Variants in XRN2 observed in about 807,000 individuals in gnomAD.
The protein encoded by XRN2 is 5'-3' exoribonuclease 2.
XRN2 carries 44 observed loss-of-function variants against 138.5 expected under a neutral mutation model. The ratio of observed to expected loss-of-function variants is 0.32; its 90% CI spans 0.25 to 0.41. The LOEUF (loss-of-function observed/expected upper bound fraction) is 0.41. Among genes scored for constraint, XRN2 ranks in the 10% least tolerant of loss-of-function variants. The probability of loss-of-function intolerance (pLI) is 1.00; values close to 1 mark genes in which losing one functional copy is unlikely to be tolerated. For missense variants in XRN2, 937 were observed against 1,169.3 expected (o/e 0.80, Z 2.90); for synonymous variants, 354 against 369.4 (o/e 0.96, Z 0.48).
intron 4 of XRN2, among the ~76,000 whole-genome samples, chr20:21,328,881 C>T (rs910337286): frequency 1.3e-5 from 2 of 152,260 alleles, no homozygotes; most frequent in East Asian, 3.9e-4. Flanking sequence ...TAAGAGGGAG[C>T]CTTGGGAATA....
At chr20:21,356,854 G>A (rs747280501) in intron 23 of XRN2, among the ~76,000 whole-genome samples, 189 bp downstream of exon 23, 1 of 152,146 alleles carries the variant, frequency 6.6e-6, no homozygotes, top group East Asian at 1.9e-4. Context: ...GTCACCTTGT[G>A]CAGGGAGCTC....
chr20:21,366,890 A>T (rs761879064), intron 26 of XRN2, among the ~76,000 whole-genome samples: 1 of 152,204 alleles, frequency 6.6e-6, no homozygotes, highest in Non-Finnish European at 1.5e-5. Context: ...TGAGAATTCT[A>T]TTACTTTCTC....
chr20:21,317,836 A>G (rs2037981503), intron 1 of XRN2, among the ~76,000 whole-genome samples: 1 of 152,212 alleles, frequency 6.6e-6, no homozygotes, highest in African/African-American at 2.4e-5. Flanking sequence ...ATTGACAGAT[A>G]CGGAGGGCTG....
Position 21,357,752 on chromosome 20 carries a change from G to T in XRN2, c.2215G>T (p.Val739Phe). The change falls in exon 24 of 30, where the codon GTT (valine) becomes TTT (phenylalanine). Residue 739 changes from valine to phenylalanine, a missense_variant. This residue lies in a region of XRN2 where 372 missense variants were observed against 414.4 expected (regional missense o/e 0.90). Coordinates refer to ENST00000377191, the MANE Select transcript of XRN2 (RefSeq NM_012255.5). ...TCCTTCTAGAATAGTATGTTCTCCT[G>T]TTCCTATGTTAAGGGATCTGACACA... ...ILPDQIVCSP[V>F]PMLRDLTQNT... is the part of the protein sequence containing the mutation. 6.3e-7 allele frequency: 1 copy of T among 1,597,578 alleles called. No homozygotes were observed. The highest frequency in any genetic ancestry group is 2.3e-5 in the East Asian group (1 of 44,178).
In XRN2 at chr20:21,337,640, T is replaced by C. The variant is rs551335730; in HGVS notation, c.1234-1404T>C. 3.3e-5 allele frequency among the ~76,000 whole-genome samples: 5 copies of C among 152,292 alleles called. No individual in the cohort carries two copies. In the South Asian group the frequency reaches 1.0e-3, roughly 32 times the overall value. The stretch of plus-strand genomic sequence containing the variant: ...CCAGGGGAGCACCAACATTAACTCA[T>C]TTCTGCCCAGTGTTCCATTATTGGA... On this transcript the variant is annotated intron_variant, in intron 13 of 29. Coordinates refer to ENST00000377191, the MANE Select transcript of XRN2 (RefSeq NM_012255.5).
chr20:21,362,710 T>C (rs2038651588), intron 24 of XRN2, among the ~76,000 whole-genome samples: 1 of 152,214 alleles, frequency 6.6e-6, no homozygotes, highest in Non-Finnish European at 1.5e-5. Context: ...CTGCCCCACT[T>C]CTGCTCAAAT....
chr20:21,366,135 AT>A (rs1178443680), intron 26 of XRN2, among the ~76,000 whole-genome samples: 1 of 83,878 alleles, frequency 1.2e-5, no homozygotes, highest in Non-Finnish European at 2.1e-5. Context: ...GTTTATATAT[AT>A]AACATATATA....
intron 1 of XRN2, among the ~76,000 whole-genome samples, chr20:21,314,888 TAGAC>T (rs554637846): frequency 3.3e-5 from 5 of 152,290 alleles, no homozygotes; most frequent in South Asian, 2.1e-4. Context: ...TATTTACAAA[TAGAC>T]AGTAAAGGAC....
At chr20:21,334,263 C>A in intron 13 of XRN2, 78 bp downstream of exon 13, 1 of 1,183,762 alleles carries the variant, frequency 8.4e-7, no homozygotes, top group Admixed American at 1.9e-5. Context: ...TACTTTTAAT[C>A]TCTTTGAGTG....
intron 1 of XRN2, among the ~76,000 whole-genome samples, chr20:21,325,238 T>G (rs530609926): frequency 7.7e-4 from 117 of 152,378 alleles, no homozygotes; most frequent in South Asian, 1.2e-3. Context: ...TTTAAGTGAC[T>G]TTTATTGTTA....
chr20:21,346,588 T>C (rs760181089), intron 17 of XRN2, 38 bp downstream of exon 17: 7 of 1,586,128 alleles, frequency 4.4e-6, no homozygotes, highest in Non-Finnish European at 6.0e-6. Flanking sequence ...TTGTAGTTAA[T>C]CATTTAAGAA....
chr20:21,389,466 A>G lies in XRN2; in HGVS notation c.*128A>G. On this transcript the variant is annotated 3_prime_UTR_variant, in exon 30 of 30. Transcript: ENST00000377191. Reference sequence around the variant, plus strand: ...CTTTGTGTATTTCTTTTAACTGTGTATATTTCTACTGATCTGATCTCACTG... The same window carrying G: ...CTTTGTGTATTTCTTTTAACTGTGTGTATTTCTACTGATCTGATCTCACTG... 4 of 799,628 alleles carry G rather than the reference A, an allele frequency of 5.0e-6. No homozygotes were observed. Among genetic ancestry groups the G allele is most frequent in the African/African-American group, 1.7e-5 (1 of 57,412 alleles). The allele number at this position is 799,628 out of a possible 1,614,324, so 49.5% of individuals were successfully genotyped here.
intron 27 of XRN2, among the ~76,000 whole-genome samples, chr20:21,370,508 A>G (rs1014357628): frequency 2.0e-5 from 3 of 152,242 alleles, no homozygotes; most frequent in Admixed American, 6.5e-5. Context: ...GATATGGTAG[A>G]TATGGATCGT....
intron 26 of XRN2, among the ~76,000 whole-genome samples, chr20:21,366,127 TTA>T (rs1296417726): frequency 1.0e-4 from 10 of 97,702 alleles, no homozygotes; most frequent in African/African-American, 1.7e-4. Flanking sequence ...TATTTATAGT[TTA>T]TATATATAAC....
intron 24 of XRN2, among the ~76,000 whole-genome samples, chr20:21,361,350 A>G (rs141004631): frequency 2.7e-3 from 405 of 152,366 alleles, no homozygotes; most frequent in Middle Eastern, 0.01. Context: ...AGGATCTGTT[A>G]TGCTACTTGG....
At chr20:21,361,967 C>T (rs2038641664) in intron 24 of XRN2, among the ~76,000 whole-genome samples, 1 of 152,100 alleles carries the variant, frequency 6.6e-6, no homozygotes, top group Non-Finnish European at 1.5e-5. Context: ...TCTCAAAGAT[C>T]CAAGGAAAAA....
intron 15 of XRN2, among the ~76,000 whole-genome samples, chr20:21,343,800 A>C (rs1192005024): frequency 1.3e-5 from 2 of 151,966 alleles, no homozygotes; most frequent in African/African-American, 4.8e-5. Context: ...AATTTTTAAA[A>C]ATCTATAAAA....
At chr20:21,349,252 G>A in intron 19 of XRN2, 137 bp from the exon 20 acceptor site, 1 of 654,772 alleles carries the variant, frequency 1.5e-6, no homozygotes, top group Non-Finnish European at 2.7e-6. Context: ...ATGACCTAAT[G>A]TCTCTTAACA....
At chr20:21,351,059 TTAAA>T (rs1344588526) in intron 20 of XRN2, among the ~76,000 whole-genome samples, 6 of 152,346 alleles carry the variant, frequency 3.9e-5, no homozygotes, top group African/African-American at 7.2e-5. Flanking sequence ...TTTGTGTTTG[TTAAA>T]TAAGTAAATT....
Sources: allele counts gnomAD v4.1 joint callset (sites outside exome capture counted in the v4.1 genomes callset), GRCh38; gene constraint gnomAD v4.1.1; regional missense constraint gnomAD v4.1.1; transcripts MANE v1.5; gene names NCBI Gene and HGNC (gene_info 2026-07-23, HGNC 2026-07-21).